ABLIM1: variants seen among roughly 807,000 people sequenced by gnomAD.
ABLIM1 encodes the protein actin binding LIM protein 1.
In ABLIM1, 40 loss-of-function variants were observed where a neutral mutation model predicts 107.0. The ratio of observed to expected loss-of-function variants is 0.37; its 90% confidence interval spans 0.29 to 0.49. The LOEUF (loss-of-function observed/expected upper bound fraction) is 0.49, where lower values mean the gene tolerates loss of function less well. Among genes scored for constraint, ABLIM1 ranks in the 20% least tolerant of loss-of-function variants. ABLIM1 has a pLI of 0.97. For synonymous variants in ABLIM1, 357 were observed against 357.3 expected, an observed-to-expected ratio of 1.00 and a Z score of 0.01; for missense variants, 857 against 1,008.5, an observed-to-expected ratio of 0.85 and a Z score of 2.04.
chr10:114,601,577 T>C (rs917091939), intron 2 of ABLIM1: 2 of 586,646 alleles, frequency 3.4e-6, no homozygotes, highest in South Asian at 3.6e-5. Flanking sequence ...TCGTTCTCAG[T>C]GTTAGTCCCT....
At chr10:114,501,852 T>C (rs1326716670) in intron 6 of ABLIM1, 1 of 152,220 alleles carries the variant, frequency 6.6e-6, no homozygotes, top group Non-Finnish European at 1.5e-5. Flanking sequence ...ATCATCCAAG[T>C]CCATAGTTGA....
chr10:114,452,039 C>A lies in ABLIM1; in HGVS notation c.1547-368G>T, dbSNP rs1036767496. Among the ~76,000 whole-genome samples, 3 of 152,070 alleles carry A rather than the reference C, an allele frequency of 2.0e-5. No individual in the cohort carries two copies. The East Asian group carries it at 5.8e-4, about 29-fold the overall frequency. On this transcript the variant is annotated intron_variant, in intron 13 of 22. Transcript: ENST00000533213. Reference sequence around the variant, plus strand: ...CAGCTTGGGGAAAATGCCCAAATTGCTATTGTCTAGAAATTGAGCCCCCAG... The same window carrying A: ...CAGCTTGGGGAAAATGCCCAAATTGATATTGTCTAGAAATTGAGCCCCCAG...
chr10:114,760,516 A>T (rs1318731006), intron 1 of ABLIM1, among the ~76,000 whole-genome samples: 2 of 152,108 alleles, frequency 1.3e-5, no homozygotes, highest in Non-Finnish European at 2.9e-5. Context: ...ATTCAAGGAC[A>T]CATATATCAA....
At chr10:114,642,240 C>T (rs2078787293) in intron 1 of ABLIM1, among the ~76,000 whole-genome samples, 1 of 152,118 alleles carries the variant, frequency 6.6e-6, no homozygotes, top group Admixed American at 6.6e-5. Flanking sequence ...TGATCGTCAG[C>T]TCCATGGGAT....
rs190235565 is a variant in ABLIM1 at position 114,451,989 on chromosome 10, A to C, written c.1547-318T>G. Among the ~76,000 whole-genome samples the C allele has an allele frequency of 1.2e-3, 190 of 152,214 alleles. 1 individual carries two copies. The highest frequency in any genetic ancestry group is 4.3e-3 in the African/African-American group (177 of 41,532). ...AGGAAGAAACGCAAGCAGTGGAGGT[A>C]CTCTTATGGTGAGAAAGACATAACC... On this transcript the variant is annotated intron_variant, in intron 13 of 22. Transcript: ENST00000533213.
chr10:114,793,865 A>G, the ABLIM1 span, among the ~76,000 whole-genome samples: 1 of 152,178 alleles, frequency 6.6e-6, no homozygotes, highest in East Asian at 1.9e-4. Context: ...GAAAGCTCTC[A>G]AACCCTATTC....
intron 6 of ABLIM1, among the ~76,000 whole-genome samples, chr10:114,500,241 T>C (rs879856978): frequency 6.6e-6 from 1 of 152,158 alleles, no homozygotes; most frequent in Non-Finnish European, 1.5e-5. Flanking sequence ...TAAGGGTGCA[T>C]AAACTAGTTT....
intron 1 of ABLIM1, among the ~76,000 whole-genome samples, chr10:114,646,508 A>G (rs2079018140): frequency 6.6e-6 from 1 of 152,256 alleles, no homozygotes; most frequent in South Asian, 2.1e-4. Context: ...AGCCCTCAAC[A>G]ACCTTACATC....
chr10:114,608,800 A>C (rs2076608352), intron 1 of ABLIM1, among the ~76,000 whole-genome samples: 1 of 152,082 alleles, frequency 6.6e-6, no homozygotes, highest in African/African-American at 2.4e-5. Context: ...GGATCAACTG[A>C]GGTCAGGAGT....
intron 6 of ABLIM1, among the ~76,000 whole-genome samples, chr10:114,502,835 TA>T (rs2060609827): frequency 6.6e-6 from 1 of 152,298 alleles, no homozygotes; most frequent in African/African-American, 2.4e-5. Context: ...TAAGTTTTCA[TA>T]AATGCAACAT....
rs192622476 is a variant in ABLIM1 at position 114,478,199 on chromosome 10, T to A, written c.1042-4243A>T. ...TTTTTAAAAGTTTTCAGATCCAAAT[T>A]ACCTCCAATTTGAATACACTTACCC... On this transcript the variant is annotated intron_variant, in intron 8 of 22. Transcript: ENST00000533213. 2.2e-3 allele frequency among the ~76,000 whole-genome samples: 340 copies of A among 152,338 alleles called. 1 individual carries two copies. The highest frequency in any genetic ancestry group is 3.8e-3 in the Non-Finnish European group (260 of 68,032).
intron 1 of ABLIM1, among the ~76,000 whole-genome samples, chr10:114,604,596 C>T (rs1368555212): frequency 6.6e-6 from 1 of 152,214 alleles, no homozygotes; most frequent in Non-Finnish European, 1.5e-5. Context: ...TAGTAAACTA[C>T]TCAAGTGATT....
intron 2 of ABLIM1, among the ~76,000 whole-genome samples, chr10:114,582,620 G>C (rs2073527075): frequency 6.6e-6 from 1 of 152,074 alleles, no homozygotes; most frequent in African/African-American, 2.4e-5. Context: ...ATACTACAAG[G>C]CTACAGTAAC....
At chr10:114,483,630 T>C (rs892890252) in intron 8 of ABLIM1, among the ~76,000 whole-genome samples, 8 of 152,272 alleles carry the variant, frequency 5.3e-5, no homozygotes, top group Non-Finnish European at 5.9e-5. Flanking sequence ...CTCTAAAAGG[T>C]TCTCTTCTAC....
At chr10:114,564,195 T>C (rs2070290488) in intron 4 of ABLIM1, among the ~76,000 whole-genome samples, 1 of 151,728 alleles carries the variant, frequency 6.6e-6, no homozygotes, top group Admixed American at 6.6e-5. Context: ...CGTTGCTCTA[T>C]CTTCCAACTT....
At chr10:114,772,063 A>T (rs953355191), upstream of ABLIM1, among the ~76,000 whole-genome samples, 25 of 152,180 alleles carry the variant, frequency 1.6e-4, no homozygotes, top group Non-Finnish European at 1.5e-5. Flanking sequence ...TTTCTGCATA[A>T]CTTCAAGCTT....
intron 4 of ABLIM1, among the ~76,000 whole-genome samples, chr10:114,562,821 G>A (rs1341434608): frequency 3.3e-5 from 5 of 152,062 alleles, no homozygotes; most frequent in South Asian, 2.1e-4. Flanking sequence ...TGCTTGCTAG[G>A]TGCACAGTGC....
In ABLIM1 at chr10:114,548,797, G is replaced by A. The variant is rs182796565; in HGVS notation, c.674-1021C>T. Reference sequence around the variant, plus strand: ...AGCAAGCACGTGTCAAGTTGGCCACGTGTTCCAAGCTGATCAGACAGAACA... The same window carrying A: ...AGCAAGCACGTGTCAAGTTGGCCACATGTTCCAAGCTGATCAGACAGAACA... On this transcript the variant is annotated intron_variant, in intron 4 of 22. Coordinates refer to ENST00000533213, the MANE Select transcript of ABLIM1 (RefSeq NM_002313.7). 1.9e-3 allele frequency among the ~76,000 whole-genome samples: 287 copies of A among 152,290 alleles called. 2 individuals carry two copies. Among genetic ancestry groups the A allele is most frequent in the African/African-American group, 6.6e-3 (276 of 41,556 alleles).
rs190756070 is a variant in ABLIM1 at position 114,682,194 on chromosome 10, T to C, written c.64+2096A>G. ...CGGCTGACTATCTCAAAGTCCTAAA[T>C]TACTATTAATTGTAAACAAACACTA... On this transcript the variant is annotated intron_variant, in intron 1 of 23. Coordinates refer to the ABLIM1 transcript ENST00000369256. Among the ~76,000 whole-genome samples, 64 of 152,326 alleles carry C rather than the reference T, an allele frequency of 4.2e-4. 1 individual carries two copies. Among genetic ancestry groups the C allele is most frequent in the South Asian group, 6.2e-4 (3 of 4,822 alleles).
Sources: gnomAD v4.1 joint callset for allele counts (sites outside exome capture counted in the v4.1 genomes callset) on GRCh38, gnomAD v4.1.1 for gene constraint, MANE v1.5 for transcripts, NCBI Gene and HGNC (gene_info 2026-07-23, HGNC 2026-07-21) for gene names.